The following EAF1 variants were observed in gnomAD, a reference collection of about 807,000 sequenced individuals.
The protein encoded by EAF1 is ELL associated factor 1.
In EAF1, 19 loss-of-function variants were observed where a neutral mutation model predicts 26.6. That is an observed-to-expected ratio of 0.71 (90% CI 0.50 to 1.05). The LOEUF (loss-of-function observed/expected upper bound fraction) is 1.05, where lower values mean the gene tolerates loss of function less well. Among genes scored for constraint, EAF1 ranks in the 50% least tolerant of loss-of-function variants. The pLI is 0.00. For synonymous variants in EAF1, 102 were observed against 120.6 expected (o/e 0.85, Z 1.01); for missense variants, 260 against 335.5 (o/e 0.78, Z 1.76).
At chr3:15,431,474 C>T (rs982564026) in intron 2 of EAF1, among the ~76,000 whole-genome samples, 1 of 152,156 alleles carries the variant, frequency 6.6e-6, no homozygotes, top group South Asian at 2.1e-4. Flanking sequence ...AAGCCAGTTG[C>T]CTTCTGCTCT....
Position 15,434,615 on chromosome 3 carries a change from C to T in EAF1, c.526+77C>T, listed in dbSNP as rs1045910280. On this transcript the variant is annotated intron_variant, in intron 4 of 5. Transcript: ENST00000396842. ...TTTTCTTGTGGAGATCACATGGCTG[C>T]TGTATTGATACAGTGGCTGGGGCAT... The T allele has an allele frequency of 5.9e-6, 9 of 1,516,234 alleles. No homozygotes were observed. The Admixed American group carries it at 1.2e-4, about 20-fold the overall frequency. The allele number at this position is 1,516,234 out of a possible 1,614,324, so 93.9% of individuals were successfully genotyped here.
chr3:15,438,893 C>G (rs1020083780), intron 5 of EAF1: 24 of 483,592 alleles, frequency 5.0e-5, no homozygotes, highest in Non-Finnish European at 8.4e-5. Context: ...CTCCTTTGCT[C>G]TACCCTAATA....
At chr3:15,430,116 T>G in intron 2 of EAF1, 109 bp downstream of exon 2, 1 of 901,476 alleles carries the variant, frequency 1.1e-6, no homozygotes, top group East Asian at 2.9e-5. Flanking sequence ...ATTTCTAAAG[T>G]GGCAACTTAA....
rs1217429021 is a variant in EAF1, at chr3:15,442,515, A to C, written c.*3360A>C. The stretch of plus-strand genomic sequence containing the variant: ...TTGCTTAATTATGAAGTAGACATGC[A>C]TGTTTACATTTATGTAAAATATTTG... On this transcript the variant is annotated 3_prime_UTR_variant, in exon 6 of 6. Transcript: ENST00000396842. 4 of 152,526 alleles carry C rather than the reference A, an allele frequency of 2.6e-5. No homozygotes were observed. Among genetic ancestry groups the C allele is most frequent in the African/African-American group, 9.7e-5 (4 of 41,406 alleles). 9.4% of individuals were successfully genotyped at this position (152,526 alleles called of 1,614,324 possible). A position where few individuals can be genotyped will look rare whatever the true frequency, so the allele number is the denominator to read the frequency against.
Position 15,427,598 on chromosome 3 carries a change from C to T in EAF1, c.-182C>T, listed in dbSNP as rs1282579821. ...CCCACGGCCTTGCCTCCTCAGATTC[C>T]TCTCTCACCCCCACGCAGAGGAGAG... On this transcript the variant is annotated 5_prime_UTR_variant, in exon 1 of 6. Transcript: ENST00000396842. The T allele has an allele frequency of 3.3e-6, 2 of 604,618 alleles. No individual in the cohort carries two copies. The highest frequency in any genetic ancestry group is 5.8e-6 in the Non-Finnish European group (2 of 343,726). The allele number at this position is 604,618 out of a possible 1,614,324, so 37.5% of individuals were successfully genotyped here. A position where few individuals can be genotyped will look rare whatever the true frequency, so the allele number is the denominator to read the frequency against.
rs2061868086 is a variant in EAF1, at chr3:15,441,296, T to C, written c.*2141T>C. ...TCTTTTCTTTTTAGAAATCAAGAAT[T>C]TGGCTTCACAGATGGCTTCTCACAG... On this transcript the variant is annotated 3_prime_UTR_variant, in exon 6 of 6. Transcript: ENST00000396842. 1 of 153,694 alleles carries C rather than the reference T, an allele frequency of 6.5e-6. No individual in the cohort carries two copies. The highest frequency in any genetic ancestry group is 1.5e-5 in the Non-Finnish European group (1 of 68,048). 9.5% of individuals were successfully genotyped at this position (153,694 alleles called of 1,614,324 possible).
intron 1 of EAF1, among the ~76,000 whole-genome samples, chr3:15,428,233 C>G (rs549917833): frequency 6.7e-6 from 1 of 150,178 alleles, no homozygotes; most frequent in African/African-American, 2.5e-5. Flanking sequence ...TCCGGGTCCA[C>G]TTCTCCCTCG....
chr3:15,441,073 C>T lies in EAF1; in HGVS notation c.*1918C>T, dbSNP rs1284493739. 6.6e-5 allele frequency: 10 copies of T among 152,532 alleles called. No individual in the cohort carries two copies. The highest frequency in any genetic ancestry group is 5.9e-5 in the Non-Finnish European group (4 of 68,054). 9.4% of individuals were successfully genotyped at this position (152,532 alleles called of 1,614,324 possible). A position where few individuals can be genotyped will look rare whatever the true frequency, so the allele number is the denominator to read the frequency against. ...TGGTTTTTGGCATGTTGGGTCAAGA[C>T]GTGTTTCTATAGGAAATGCTTGCAC... On this transcript the variant is annotated 3_prime_UTR_variant, in exon 6 of 6. Transcript: ENST00000396842.
intron 3 of EAF1, chr3:15,433,209 G>T (rs2061812530): frequency 7.1e-6 from 1 of 140,672 alleles, no homozygotes; most frequent in African/African-American, 2.8e-5. Flanking sequence ...TGCTGCCGAA[G>T]TGAGTACGAA....
At chr3:15,436,190 T>G in intron 4 of EAF1, 152 bp from the exon 5 acceptor site, 1 of 514,202 alleles carries the variant, frequency 1.9e-6, no homozygotes, top group Non-Finnish European at 3.3e-6. Context: ...GGTAATTTTG[T>G]TTGTACATTT....
intron 3 of EAF1, 61 bp downstream of exon 3, chr3:15,432,284 T>A: frequency 6.3e-7 from 1 of 1,590,474 alleles, no homozygotes. Context: ...ATCTATTCAG[T>A]TTTTATAAGG....
intron 4 of EAF1, 67 bp downstream of exon 4, chr3:15,434,605 C>A: frequency 6.5e-7 from 1 of 1,549,466 alleles, no homozygotes; most frequent in Non-Finnish European, 8.8e-7. Context: ...TTGTGGAGAT[C>A]ACATGGCTGC....
At chr3:15,428,732 G>C (rs989185702) in intron 1 of EAF1, among the ~76,000 whole-genome samples, 1 of 152,218 alleles carries the variant, frequency 6.6e-6, no homozygotes, top group African/African-American at 2.4e-5. Flanking sequence ...TTGGCAGTTA[G>C]GAATTGGCTG....
At position 15,429,944 on chromosome 3, in the gene EAF1, CT is replaced by C; in HGVS notation, c.136del (p.Cys46ValfsTer27). On this transcript the variant is annotated frameshift_variant, in exon 2 of 6. Coordinates refer to ENST00000396842, the MANE Select transcript of EAF1 (RefSeq NM_033083.7). LOFTEE classifies it high-confidence loss of function. The stretch of plus-strand genomic sequence containing the variant: ...TTAAACCAGCATCTATAGACACTTC[CT>C]GTGAAGGAGAGCTTCAAGTTGGCAA... ...DFKPASIDTS[C>X]EGELQVGKGD... 1 of 1,613,352 alleles carries C rather than the reference CT, an allele frequency of 6.2e-7. No homozygotes were observed. Among genetic ancestry groups the C allele is most frequent in the Non-Finnish European group, 8.5e-7 (1 of 1,179,756 alleles).
Position 15,442,601 on chromosome 3 carries a change from G to C in EAF1, c.*3446G>C, listed in dbSNP as rs2061877644. The C allele has an allele frequency of 6.6e-6, 1 of 152,176 alleles. No homozygotes were observed. The highest frequency in any genetic ancestry group is 6.6e-5 in the Admixed American group (1 of 15,236). The allele number at this position is 152,176 out of a possible 1,614,324, so 9.4% of individuals were successfully genotyped here. On this transcript the variant is annotated 3_prime_UTR_variant, in exon 6 of 6. Coordinates refer to ENST00000396842, the MANE Select transcript of EAF1 (RefSeq NM_033083.7). The stretch of plus-strand genomic sequence containing the variant: ...ATCACTATATTTAAATAAAAGTGAA[G>C]GTCAGCAACACATTTCTTGTCTTGG...
chr3:15,430,455 C>G (rs1356045524), intron 2 of EAF1, among the ~76,000 whole-genome samples: 5 of 104,790 alleles, frequency 4.8e-5, no homozygotes, highest in Non-Finnish European at 9.4e-5. Context: ...GTGAGACTCC[C>G]CCTCAAAAAA....
chr3:15,441,042 G>C lies in EAF1; in HGVS notation c.*1887G>C, dbSNP rs1308813476. ...CTGAAAGCCTTGATTTCTGTAGACA[G>C]AACTATGGTTTTTGGCATGTTGGGT... On this transcript the variant is annotated 3_prime_UTR_variant, in exon 6 of 6. Transcript: ENST00000396842. The C allele has an allele frequency of 2.6e-5, 4 of 152,516 alleles. No individual in the cohort carries two copies. The highest frequency in any genetic ancestry group is 1.5e-5 in the Non-Finnish European group (1 of 68,048). The allele number at this position is 152,516 out of a possible 1,614,324, so 9.4% of individuals were successfully genotyped here. A position where few individuals can be genotyped will look rare whatever the true frequency, so the allele number is the denominator to read the frequency against.
chr3:15,432,950 ATTT>A (rs528077375), intron 3 of EAF1, among the ~76,000 whole-genome samples: 3 of 150,310 alleles, frequency 2.0e-5, no homozygotes, highest in African/African-American at 7.3e-5. Flanking sequence ...TCGTTAAGCC[ATTT>A]TTTTTTCATT....
In EAF1 at chr3:15,440,833, A is replaced by G. The variant is rs2061864744; in HGVS notation, c.*1678A>G. 6.6e-6 allele frequency: 1 copy of G among 152,584 alleles called. No individual in the cohort carries two copies. The highest frequency in any genetic ancestry group is 1.5e-5 in the Non-Finnish European group (1 of 68,042). 9.5% of individuals were successfully genotyped at this position (152,584 alleles called of 1,614,324 possible). ...TATAGTGGATTGATAATTGCTTTAT[A>G]ATTCCTTGGTAATGACAGCTCAGGG... On this transcript the variant is annotated 3_prime_UTR_variant, in exon 6 of 6. Transcript: ENST00000396842.
Sources: allele counts gnomAD v4.1 joint callset (sites outside exome capture counted in the v4.1 genomes callset), GRCh38; gene constraint gnomAD v4.1.1; transcripts MANE v1.5; gene names NCBI Gene and HGNC (gene_info 2026-07-23, HGNC 2026-07-21).